The following HSPA12B variants were observed in gnomAD, a reference collection of about 807,000 sequenced individuals.
HSPA12B encodes the protein heat shock protein family A (Hsp70) member 12B.
In HSPA12B, 54 loss-of-function variants were observed where a neutral mutation model predicts 69.3. That is an observed-to-expected ratio of 0.78 (90% CI 0.63 to 0.98). The LOEUF (loss-of-function observed/expected upper bound fraction) is 0.98, where lower values mean the gene tolerates loss of function less well. HSPA12B is among the 50% of genes least tolerant of loss of function. HSPA12B has a pLI of 0.00. For synonymous variants in HSPA12B, 441 were observed against 436.5 expected (o/e 1.01, Z -0.13); for missense variants, 929 against 999.8 (o/e 0.93, Z 0.96).
rs1260255223 is a variant in HSPA12B at position 3,744,491 on chromosome 20, C to T, written c.267-411C>T. ...CCACCAGACACCAAGCCCCTAACATCTCTAGAATACCCATCTACTTCTCTC... is the reference window on the plus strand; with the variant it reads ...CCACCAGACACCAAGCCCCTAACATTTCTAGAATACCCATCTACTTCTCTC... On this transcript the variant is annotated intron_variant, in intron 4 of 12. Transcript: ENST00000254963. This position sits in a 1 kb window ranked among gnomAD's most constrained non-coding sequence, Gnocchi z 4.9. 6.6e-6 allele frequency among the ~76,000 whole-genome samples: 1 copy of T among 152,226 alleles called. No individual in the cohort carries two copies. Among genetic ancestry groups the T allele is most frequent in the Non-Finnish European group, 1.5e-5 (1 of 68,042 alleles).
chr20:3,745,789 G>A lies in HSPA12B; in HGVS notation c.559-126G>A. 1.0e-6 allele frequency: 1 copy of A among 998,346 alleles called. No individual in the cohort carries two copies. Among genetic ancestry groups the A allele is most frequent in the Non-Finnish European group, 1.6e-6 (1 of 629,792 alleles). 61.8% of individuals were successfully genotyped at this position (998,346 alleles called of 1,614,324 possible). A position where few individuals can be genotyped will look rare whatever the true frequency, so the allele number is the denominator to read the frequency against. On this transcript the variant is annotated intron_variant, in intron 6 of 12. Coordinates refer to ENST00000254963, the MANE Select transcript of HSPA12B (RefSeq NM_052970.5). This position sits in a 1 kb window ranked among gnomAD's most constrained non-coding sequence, Gnocchi z 5.6. ...ACCAAGCCATACTGATGGGAGGGGG[G>A]CCGATTCTTCCAGCTCTGCTGGGAA...
At position 3,744,843 on chromosome 20, in the gene HSPA12B, T is replaced by G. The variant is rs188995127; in HGVS notation, c.267-59T>G. On this transcript the variant is annotated intron_variant, in intron 4 of 12. Coordinates refer to ENST00000254963, the MANE Select transcript of HSPA12B (RefSeq NM_052970.5). This position sits in a 1 kb window ranked among gnomAD's most constrained non-coding sequence, Gnocchi z 4.9. ...GTAAGTTTTTGCACATGCTGTTCCC[T>G]CTGCCTGGATTCCCACCCAAGAAGG... 1.1e-3 allele frequency: 1,671 copies of G among 1,538,448 alleles called. 10 individuals carry two copies. In the African/African-American group the frequency reaches 0.015, roughly 14 times the overall value.
chr20:3,750,711 A>G (rs2088402566), intron 11 of HSPA12B, 93 bp from the exon 12 acceptor site: 2 of 1,598,454 alleles, frequency 1.3e-6, no homozygotes, highest in African/African-American at 1.3e-5. Context: ...TTCTGCCTGG[A>G]GGCAGAGGTA....
At chr20:3,736,283 A>G (rs2146552545) in intron 1 of HSPA12B, among the ~76,000 whole-genome samples, 1 of 152,186 alleles carries the variant, frequency 6.6e-6, no homozygotes, top group African/African-American at 2.4e-5. Context: ...TGCTATATGC[A>G]TGCCCACAAC....
intron 4 of HSPA12B, among the ~76,000 whole-genome samples, chr20:3,742,894 G>C (rs2088228915): frequency 6.6e-6 from 1 of 150,522 alleles, no homozygotes; most frequent in Admixed American, 6.6e-5. Context: ...TTTTTTTTGA[G>C]ACGGAGTCTC....
chr20:3,748,489 C>A, intron 8 of HSPA12B, 98 bp downstream of exon 8: 2 of 1,180,262 alleles, frequency 1.7e-6, no homozygotes, highest in Non-Finnish European at 2.2e-6. Flanking sequence ...AGAGGGTACC[C>A]ACCCTGGAGG....
intron 1 of HSPA12B, among the ~76,000 whole-genome samples, chr20:3,736,821 G>C (rs2088115419): frequency 6.6e-6 from 1 of 152,156 alleles, no homozygotes; most frequent in African/African-American, 2.4e-5. Context: ...CCAGGAGTTC[G>C]AGACCAGCCT....
Position 3,742,292 on chromosome 20 carries a change from G to C in HSPA12B, c.150G>C (p.Glu50Asp). 1 of 1,613,712 alleles carries C rather than the reference G, an allele frequency of 6.2e-7. No individual in the cohort carries two copies. Among genetic ancestry groups the C allele is most frequent in the African/African-American group, 1.3e-5 (1 of 75,030 alleles). ...PLTPSQSPKP[E>D]VRAPQQASFS... is the part of the protein sequence containing the mutation. The stretch of plus-strand genomic sequence containing the variant: ...AAGTCTTGCACTTGCAGAAACCCGA[G>C]GTCCGAGCCCCCCAGCAGGCCTCCT... The change falls in exon 4 of 13, where the codon GAG becomes GAC. Residue 50 changes from glutamate to aspartate, a missense_variant. Glu to Asp is a conservative substitution (Grantham distance 45, BLOSUM62 2). Transcript: ENST00000254963.
rs1453282266 is a variant in HSPA12B at position 3,737,563 on chromosome 20, T to A, written c.-17-1095T>A. On this transcript the variant is annotated intron_variant, in intron 1 of 12. Transcript: ENST00000254963. The surrounding 1 kb of genome is among the most constrained non-coding windows in gnomAD (Gnocchi z 4.1). Reference sequence around the variant, plus strand: ...TTTCCAGTCTCATCTGGGGACCTTTTACAGGGATCTAGCTTTACCCATCTC... The same window carrying A: ...TTTCCAGTCTCATCTGGGGACCTTTAACAGGGATCTAGCTTTACCCATCTC... 6.6e-6 allele frequency among the ~76,000 whole-genome samples: 1 copy of A among 152,174 alleles called. No individual in the cohort carries two copies. The highest frequency in any genetic ancestry group is 1.5e-5 in the Non-Finnish European group (1 of 68,038).
chr20:3,736,873 A>C (rs2088116518), intron 1 of HSPA12B, among the ~76,000 whole-genome samples: 1 of 152,132 alleles, frequency 6.6e-6, no homozygotes, highest in Admixed American at 6.6e-5. Context: ...AAATACAAAA[A>C]TTAGCCAGGC....
At position 3,749,225 on chromosome 20, in the gene HSPA12B, C is replaced by T; in HGVS notation, c.851-7C>T. On this transcript the variant is annotated splice_region_variant and splice_polypyrimidine_tract_variant and intron_variant, in intron 8 of 12. Coordinates refer to ENST00000254963, the MANE Select transcript of HSPA12B (RefSeq NM_052970.5). The surrounding 1 kb of genome is among the most constrained non-coding windows in gnomAD (Gnocchi z 5.5). ...AATCTCACTCCCTGCTGTCTCCTGA[C>T]CCCCAGCTCGGGAGCAGCTGCGAAG... The T allele has an allele frequency of 6.2e-7, 1 of 1,611,296 alleles. No individual in the cohort carries two copies. The highest frequency in any genetic ancestry group is 1.1e-5 in the South Asian group (1 of 90,576).
At position 3,751,863 on chromosome 20, in the gene HSPA12B, G is replaced by A. The variant is rs970673268; in HGVS notation, c.1758G>A (p.Leu586=). ...TGGCCGCCGAGCAGTCGGTGGCCCT[G>A]GGCGAGGAGGTGCGGCGCAGCTACT... is the stretch of plus-strand genomic sequence containing the variant. ...RFVAAEQSVA[L]GEEVRRSYCP... Residue 586 remains leucine (L), a synonymous_variant, in exon 13 of 13, where the codon CTG becomes CTA. Coordinates refer to ENST00000254963, the MANE Select transcript of HSPA12B (RefSeq NM_052970.5). The A allele has an allele frequency of 1.3e-6, 2 of 1,553,828 alleles. No homozygotes were observed. The highest frequency in any genetic ancestry group is 1.2e-5 in the South Asian group (1 of 85,406).
chr20:3,750,354 C>A, intron 11 of HSPA12B, 127 bp downstream of exon 11: 2 of 1,069,024 alleles, frequency 1.9e-6, no homozygotes, highest in Non-Finnish European at 2.6e-6. Flanking sequence ...ACTAAGCCAG[C>A]AGGGCGTCGG....
In HSPA12B at chr20:3,748,399, G is replaced by T; in HGVS notation, c.850+8G>T. The T allele has an allele frequency of 6.4e-7, 1 of 1,574,772 alleles. No homozygotes were observed. Among genetic ancestry groups the T allele is most frequent in the Non-Finnish European group, 8.6e-7 (1 of 1,162,656 alleles). ...ACTCCAGCTTCCGTCAGGGTGAGCT[G>T]CCCCCGGGGACACCACCCACCCCTG... is the stretch of plus-strand genomic sequence containing the variant. On this transcript the variant is annotated splice_region_variant and intron_variant, in intron 8 of 12. Coordinates refer to ENST00000254963, the MANE Select transcript of HSPA12B (RefSeq NM_052970.5).
At chr20:3,738,044 C>T (rs771065883) in intron 1 of HSPA12B, among the ~76,000 whole-genome samples, 1 of 152,164 alleles carries the variant, frequency 6.6e-6, no homozygotes, top group Non-Finnish European at 1.5e-5. Context: ...CCCACCCCAC[C>T]CTGCCACCTC....
At chr20:3,741,049 CTCCAG>C (rs914728969) in intron 3 of HSPA12B, 137 bp downstream of exon 3, 17 of 656,622 alleles carry the variant, frequency 2.6e-5, no homozygotes, top group Non-Finnish European at 4.1e-5. Context: ...TCCCCGTACA[CTCCAG>C]TCATGTGCCC....
At chr20:3,750,678 A>T (rs1392742157) in intron 11 of HSPA12B, 126 bp from the exon 12 acceptor site, 2 of 1,569,520 alleles carry the variant, frequency 1.3e-6, no homozygotes, top group African/African-American at 2.7e-5. Flanking sequence ...TCCAGACACC[A>T]CGTGCAGTCG....
chr20:3,733,158 G>A (rs1246452436), intron 1 of HSPA12B, among the ~76,000 whole-genome samples: 4 of 152,174 alleles, frequency 2.6e-5, no homozygotes, highest in Admixed American at 6.5e-5. Context: ...CCTGGGAGTT[G>A]AGTGTATGTG....
rs1231712175 is a variant in HSPA12B, at chr20:3,752,131, T to C, written c.2026T>C (p.Ser676Pro). 1 of 1,480,764 alleles carries C rather than the reference T, an allele frequency of 6.8e-7. No homozygotes were observed. Among genetic ancestry groups the C allele is most frequent in the African/African-American group, 1.5e-5 (1 of 68,330 alleles). 91.7% of individuals were successfully genotyped at this position (1,480,764 alleles called of 1,614,324 possible). Residue 676 changes from serine (S) to proline (P), a missense_variant, in exon 13 of 13, where the codon TCC becomes CCC. Physicochemically the swap from Ser to Pro is moderately conservative, Grantham distance 74 (BLOSUM62 -1). This residue lies in a region of HSPA12B where 448 missense variants were observed against 448.1 expected (regional missense o/e 1.00). Coordinates refer to ENST00000254963, the MANE Select transcript of HSPA12B (RefSeq NM_052970.5). ...CGCCGTCGACGTCAGCACCAATCGC[T>C]CCGTGCGCGCGTCCATCGACTTTCT... ...VTAVDVSTNR[S>P]VRASIDFLSN
Sources: gnomAD v4.1 joint callset for allele counts (sites outside exome capture counted in the v4.1 genomes callset) on GRCh38, gnomAD v4.1.1 for gene constraint, gnomAD v4.1.1 regional missense constraint, Gnocchi (gnomAD v3.1) non-coding constraint, MANE v1.5 for transcripts, NCBI Gene and HGNC (gene_info 2026-07-23, HGNC 2026-07-21) for gene names.